Variants in PDE6C observed in about 807,000 individuals in gnomAD.
PDE6C encodes cone cGMP-specific 3',5'-cyclic phosphodiesterase subunit alpha'.
A neutral mutation model predicts 113.1 loss-of-function variants in PDE6C; 75 were observed. The ratio of observed to expected loss-of-function variants is 0.66; its 90% CI spans 0.55 to 0.80. The LOEUF is 0.80. Among genes scored for constraint, PDE6C ranks in the 30% least tolerant of loss-of-function variants. The pLI is 0.00. For synonymous variants in PDE6C, 375 were observed against 363.7 expected (o/e 1.03, Z -0.35); for missense variants, 912 against 1,038.6 (o/e 0.88, Z 1.67).
intron 18 of PDE6C, 65 bp downstream of exon 18, chr10:93,659,232 T>C (rs2058655298): frequency 8.9e-7 from 1 of 1,117,966 alleles, no homozygotes. Context: ...CATGTAAATG[T>C]CCACCTAAAG....
intron 7 of PDE6C, among the ~76,000 whole-genome samples, chr10:93,628,686 G>C (rs574616280): frequency 7.9e-5 from 12 of 151,270 alleles, no homozygotes; most frequent in African/African-American, 2.7e-4. Flanking sequence ...TATGACCCAA[G>C]GTACAGAAAA....
rs771181948 is a variant in PDE6C at position 93,637,083 on chromosome 10, C to T, written c.1482+20C>T. ...ATTTTGGTAAGTGTTTTCTTTCTAA[C>T]CTTAATGCCTGTTAAATAGAGGCAT... On this transcript the variant is annotated intron_variant, in intron 11 of 21. Coordinates refer to ENST00000371447, the MANE Select transcript of PDE6C (RefSeq NM_006204.4). 4 of 1,334,350 alleles carry T rather than the reference C, an allele frequency of 3.0e-6. No homozygotes were observed. In the African/African-American group the frequency reaches 4.3e-5, roughly 14 times the overall value. 82.7% of individuals were successfully genotyped at this position (1,334,350 alleles called of 1,614,324 possible).
At chr10:93,659,648 A>G (rs2058656929) in intron 18 of PDE6C, among the ~76,000 whole-genome samples, 1 of 152,200 alleles carries the variant, frequency 6.6e-6, no homozygotes, top group Admixed American at 6.5e-5. Context: ...TTATAAAACC[A>G]TCAGATCTTG....
At chr10:93,646,099 C>T (rs183508642) in intron 15 of PDE6C, 52 bp downstream of exon 15, 129 of 1,036,140 alleles carry the variant, frequency 1.2e-4, no homozygotes, top group Non-Finnish European at 1.7e-4. Context: ...GATCAAAGCA[C>T]TAACCCACAG....
At chr10:93,619,194 A>C (rs1447204146) in intron 1 of PDE6C, among the ~76,000 whole-genome samples, 1 of 152,112 alleles carries the variant, frequency 6.6e-6, no homozygotes, top group Non-Finnish European at 1.5e-5. Context: ...CAGACTCATT[A>C]CTCAGCCTCT....
chr10:93,620,223 TTGTAATGAG>T (rs1212123389), intron 1 of PDE6C, among the ~76,000 whole-genome samples: 1 of 152,178 alleles, frequency 6.6e-6, no homozygotes, highest in Non-Finnish European at 1.5e-5. Flanking sequence ...TGTTTTCCCT[TTGTAATGAG>T]AGAGAAGCGC....
At chr10:93,632,961 A>T (rs1298821289) in intron 8 of PDE6C, among the ~76,000 whole-genome samples, 1 of 152,192 alleles carries the variant, frequency 6.6e-6, no homozygotes, top group Non-Finnish European at 1.5e-5. Context: ...GTTCTTTATG[A>T]GTTAGAAAAA....
At chr10:93,656,383 A>G (rs1398279367) in intron 16 of PDE6C, among the ~76,000 whole-genome samples, 1 of 152,132 alleles carries the variant, frequency 6.6e-6, no homozygotes, top group African/African-American at 2.4e-5. Context: ...TTACAACAGT[A>G]ATATTGCCAA....
intron 16 of PDE6C, among the ~76,000 whole-genome samples, chr10:93,658,571 A>G (rs540823176): frequency 5.5e-4 from 83 of 152,278 alleles, no homozygotes; most frequent in Middle Eastern, 3.4e-3. Flanking sequence ...TTAGTCTCCC[A>G]AAGTGCTGGG....
In PDE6C at chr10:93,621,493, G is replaced by C. The variant is rs139830009; in HGVS notation, c.724-439G>C. On this transcript the variant is annotated intron_variant, in intron 3 of 21. Transcript: ENST00000371447. ...TACAATGCACGAGTAGAGGTTGAGA[G>C]GGAGGTCCCTTCCCGTTTGAACTCT... Among the ~76,000 whole-genome samples the C allele has an allele frequency of 2.6e-3, 391 of 152,316 alleles. 6 individuals are homozygous for C. The highest frequency in any genetic ancestry group is 8.8e-3 in the African/African-American group (366 of 41,558).
chr10:93,636,744 T>A (rs966694355), intron 10 of PDE6C, among the ~76,000 whole-genome samples: 2 of 152,134 alleles, frequency 1.3e-5, no homozygotes, highest in African/African-American at 4.8e-5. Context: ...ATCTTTGCCA[T>A]GGAACTCATT....
At position 93,640,365 on chromosome 10, in the gene PDE6C, A is replaced by T. The variant is rs545801978; in HGVS notation, c.1630-85A>T. ...AGCTTAACCCCTATCTACAAGACCA[A>T]CACATCTTTTTAGATAAGATTGCCA... On this transcript the variant is annotated intron_variant, in intron 12 of 21. Coordinates refer to ENST00000371447, the MANE Select transcript of PDE6C (RefSeq NM_006204.4). 10 of 1,268,054 alleles carry T rather than the reference A, an allele frequency of 7.9e-6. No homozygotes were observed. The Admixed American group carries it at 1.7e-4, about 21-fold the overall frequency. 78.6% of individuals were successfully genotyped at this position (1,268,054 alleles called of 1,614,324 possible).
chr10:93,619,714 C>A (rs575303690), intron 1 of PDE6C, among the ~76,000 whole-genome samples: 84 of 152,300 alleles, frequency 5.5e-4, no homozygotes, highest in Non-Finnish European at 1.1e-3. Context: ...GCATGAACCA[C>A]CCCGCCCAGC....
Position 93,654,768 on chromosome 10 carries a change from TTC to T in PDE6C, c.1936-990_1936-989del, listed in dbSNP as rs771373230. ...ATACTCATTTTCTTTCTTTCTTTCT[TTC>T]TTTCTTTCTTTCTTTCTTTCTTTCT... On this transcript the variant is annotated intron_variant, in intron 15 of 21. Transcript: ENST00000371447. Among the ~76,000 whole-genome samples, 26 of 46,838 alleles carry T rather than the reference TTC, an allele frequency of 5.6e-4. No individual in the cohort carries two copies. In the South Asian group the frequency reaches 0.021, roughly 38 times the overall value. The allele number at this position is 46,838 out of a possible 152,430, so 30.7% of individuals were successfully genotyped here.
chr10:93,614,812 G>C (rs2058412542), intron 1 of PDE6C, among the ~76,000 whole-genome samples: 1 of 152,130 alleles, frequency 6.6e-6, no homozygotes, highest in Non-Finnish European at 1.5e-5. Context: ...TCATCTGGGA[G>C]TGGGGAGTCT....
chr10:93,619,490 G>A (rs1013509120), intron 1 of PDE6C, among the ~76,000 whole-genome samples: 6 of 152,042 alleles, frequency 3.9e-5, no homozygotes, highest in South Asian at 4.1e-4. Context: ...ACAATGGCGC[G>A]ATCTTGGCTT....
At chr10:93,662,489 T>C in intron 19 of PDE6C, 71 bp from the exon 20 acceptor site, 1 of 632,926 alleles carries the variant, frequency 1.6e-6, no homozygotes, top group East Asian at 3.0e-5. Context: ...AAAAAAGTTA[T>C]CAGGACAAAT....
intron 11 of PDE6C, among the ~76,000 whole-genome samples, chr10:93,638,866 G>C (rs534654272): frequency 1.3e-5 from 2 of 152,272 alleles, no homozygotes; most frequent in South Asian, 4.1e-4. Flanking sequence ...GGTCAGCCCA[G>C]GCTCAGGGGC....
intron 8 of PDE6C, among the ~76,000 whole-genome samples, chr10:93,633,672 A>G (rs932768567): frequency 1.3e-5 from 2 of 152,142 alleles, no homozygotes; most frequent in African/African-American, 4.8e-5. Context: ...AGGCTTGACA[A>G]ATGTTTACTC....
Sources: allele counts gnomAD v4.1 joint callset (sites outside exome capture counted in the v4.1 genomes callset), GRCh38; gene constraint gnomAD v4.1.1; transcripts MANE v1.5; gene names NCBI Gene and HGNC (gene_info 2026-07-23, HGNC 2026-07-21).